SUGP2: variants seen among roughly 807,000 people sequenced by gnomAD.
SUGP2 encodes SURP and G-patch domain-containing protein 2.
In SUGP2, 24 loss-of-function variants were observed where a neutral mutation model predicts 90.5. The observed-to-expected ratio is 0.27, with a 90% CI of 0.19 to 0.37. SUGP2 has a LOEUF of 0.37. SUGP2 is among the 10% of genes least tolerant of loss of function. SUGP2 has a pLI of 1.00. For missense variants in SUGP2, 1,233 were observed against 1,363.3 expected, an observed-to-expected ratio of 0.90 and a Z score of 1.51; for synonymous variants, 473 against 513.4, an observed-to-expected ratio of 0.92 and a Z score of 1.06.
At position 19,033,402 on chromosome 19, in the gene SUGP2, G is replaced by A. The variant is rs934968903; in HGVS notation, c.-12+35C>T. ...CGAGCCCGAGCTTCCCACCCCGGGA[G>A]CCACCCACCGACGACGCCAGGGCCC... On this transcript the variant is annotated intron_variant, in intron 1 of 10. Coordinates refer to ENST00000452918, the MANE Select transcript of SUGP2 (RefSeq NM_001017392.5). 129 of 1,283,996 alleles carry A rather than the reference G, an allele frequency of 1.0e-4. 2 individuals carry two copies. The highest frequency in any genetic ancestry group is 6.5e-4 in the Admixed American group (16 of 24,692). 79.5% of individuals were successfully genotyped at this position (1,283,996 alleles called of 1,614,324 possible). A position where few individuals can be genotyped will look rare whatever the true frequency, so the allele number is the denominator to read the frequency against.
At position 19,024,711 on chromosome 19, in the gene SUGP2, T is replaced by C. The variant is rs759764812; in HGVS notation, c.1637A>G (p.Lys546Arg). 6.8e-6 allele frequency: 11 copies of C among 1,614,200 alleles called. No individual in the cohort carries two copies. In the Admixed American group the frequency reaches 8.3e-5, roughly 12 times the overall value. ...CTCTCGCATCGGCTCTGGTTCGGCT[T>C]TCTTAACCTGGAGGGGACATCCGCT... The part of the protein sequence containing the change: ...VSSGCPLQVK[K>R]AEPEPMREEE... Residue 546 changes from lysine (K) to arginine (R), a missense_variant, in exon 3 of 11, where the codon AAA becomes AGA. Transcript: ENST00000452918.
chr19:19,031,124 G>T, intron 1 of SUGP2, 42 bp from the exon 2 acceptor site: 1 of 1,591,020 alleles, frequency 6.3e-7, no homozygotes, highest in South Asian at 1.1e-5. Context: ...GCAACAACTT[G>T]GAGCTGGGCG....
intron 4 of SUGP2, among the ~76,000 whole-genome samples, chr19:19,013,171 A>T (rs1359227009): frequency 6.6e-6 from 1 of 152,156 alleles, no homozygotes; most frequent in Non-Finnish European, 1.5e-5. Flanking sequence ...CCAGCTCTGG[A>T]CTTAAATGAT....
chr19:19,027,544 A>T (rs2058982181), intron 2 of SUGP2, among the ~76,000 whole-genome samples: 12 of 152,242 alleles, frequency 7.9e-5, no homozygotes, highest in Admixed American at 7.9e-4. Flanking sequence ...GTTAAGTACC[A>T]AGAAGACAAA....
At chr19:19,007,315 C>T (rs2058116029) in intron 6 of SUGP2, 1 of 152,334 alleles carries the variant, frequency 6.6e-6, no homozygotes, top group Admixed American at 6.5e-5. Context: ...CTGACTATCA[C>T]TACTATCATG....
At chr19:19,008,193 A>T in intron 6 of SUGP2, 124 bp downstream of exon 6, 1 of 821,330 alleles carries the variant, frequency 1.2e-6, no homozygotes, top group Non-Finnish European at 2.1e-6. Flanking sequence ...GGTCCCAGCT[A>T]CTCTGGAGGC....
chr19:19,013,837 A>G (rs577179477), intron 4 of SUGP2, among the ~76,000 whole-genome samples: 1 of 152,352 alleles, frequency 6.6e-6, no homozygotes, highest in Non-Finnish European at 1.5e-5. Context: ...AAAACAAAGT[A>G]TGACATATTC....
chr19:18,995,035 ATCAACTGCCAGCTGTAAGCC>A, intron 9 of SUGP2, 89 bp downstream of exon 9: 1 of 1,419,032 alleles, frequency 7.0e-7, no homozygotes, highest in Non-Finnish European at 9.6e-7. Context: ...AAAAACAAAA[ATCAACTGCCAGCTGTAAGCC>A]ATCTTGGCTG....
chr19:19,029,429 C>T (rs938020047), intron 2 of SUGP2, among the ~76,000 whole-genome samples: 5 of 147,724 alleles, frequency 3.4e-5, no homozygotes, highest in African/African-American at 7.5e-5. Context: ...CCACTGCGCC[C>T]GGCCATTTTT....
At chr19:19,023,711 C>T (rs554390445) in intron 3 of SUGP2, among the ~76,000 whole-genome samples, 3 of 152,062 alleles carry the variant, frequency 2.0e-5, no homozygotes, top group Admixed American at 6.6e-5. Context: ...CCAGTCTGGG[C>T]AACATGATTC....
intron 4 of SUGP2, among the ~76,000 whole-genome samples, chr19:19,014,817 G>T (rs959269121): frequency 5.3e-5 from 8 of 150,704 alleles, no homozygotes; most frequent in African/African-American, 1.2e-4. Context: ...AAAAAAAAAA[G>T]AACTTATTAA....
At chr19:19,031,145 T>A in intron 1 of SUGP2, 63 bp from the exon 2 acceptor site, 1 of 1,557,742 alleles carries the variant, frequency 6.4e-7, no homozygotes, top group Non-Finnish European at 8.7e-7. Context: ...CGGTGGCTCA[T>A]ACCTGTAATC....
chr19:18,995,111 A>AACCCCCC, intron 9 of SUGP2, 33 bp downstream of exon 9: 1 of 949,172 alleles, frequency 1.1e-6, no homozygotes, highest in Non-Finnish European at 1.6e-6. Flanking sequence ...CTGAGGCCCC[A>AACCCCCC]CCCACTCCCA....
chr19:19,005,169 G>A (rs941500168), intron 6 of SUGP2, among the ~76,000 whole-genome samples: 5 of 152,196 alleles, frequency 3.3e-5, no homozygotes, highest in African/African-American at 9.6e-5. Context: ...CTACATGGGC[G>A]TGGAGATGAG....
chr19:18,994,764 G>A (rs986237973), intron 9 of SUGP2: 5 of 535,118 alleles, frequency 9.3e-6, no homozygotes, highest in Non-Finnish European at 1.3e-5. Context: ...GCCTGCTGGA[G>A]GTTATGATCG....
chr19:19,019,268 A>T, intron 3 of SUGP2, 39 bp from the exon 4 acceptor site: 1 of 1,589,506 alleles, frequency 6.3e-7, no homozygotes, highest in Non-Finnish European at 8.6e-7. Flanking sequence ...AAATATGCTG[A>T]ATGTGGGCTC....
In SUGP2 at chr19:19,008,379, A is replaced by G. The variant is rs1470684661; in HGVS notation, c.2388T>C (p.Ala796=). 1 of 1,614,168 alleles carries G rather than the reference A, an allele frequency of 6.2e-7. No homozygotes were observed. Among genetic ancestry groups the G allele is most frequent in the African/African-American group, 1.3e-5 (1 of 75,026 alleles). ...ETAEKLARFV[A]QVGPEIEQFS... is the part of the protein sequence containing the mutation. ...ATTGTTCGATCTCTGGTCCCACCTG[A>G]GCAACAAATCTAGCCAGTTTCTCTG... Residue 796 remains alanine (A), a synonymous_variant, in exon 6 of 11, where the codon GCT becomes GCC. Transcript: ENST00000452918.
chr19:19,024,765 A>G lies in SUGP2; in HGVS notation c.1583T>C (p.Ile528Thr), dbSNP rs754592681. The G allele has an allele frequency of 2.8e-5, 45 of 1,614,058 alleles. 2 individuals carry two copies. The East Asian group carries it at 8.9e-4, about 32-fold the overall frequency. The change falls in exon 3 of 11, where the codon ATA becomes ACA. Residue 528 changes from isoleucine (I) to threonine (T), a missense_variant. This residue lies in a region of SUGP2 where 540 missense variants were observed against 542.6 expected (regional missense o/e 1.00). Transcript: ENST00000452918. ...GACTAGCCAGGCCTTCAGGTGGTCT[A>G]TGTACTCTCGCCCAAACAAAGTGGA... The part of the protein sequence containing the change: ...EDSTLFGREY[I>T]DHLKAWLVSS...
At chr19:18,995,386 A>C in intron 8 of SUGP2, 106 bp from the exon 9 acceptor site, 2 of 1,290,552 alleles carry the variant, frequency 1.5e-6, no homozygotes, top group Admixed American at 3.0e-5. Flanking sequence ...TGCCCTCCTG[A>C]CTCCCCAGAT....
Sources: gnomAD v4.1 joint callset for allele counts (sites outside exome capture counted in the v4.1 genomes callset) on GRCh38, gnomAD v4.1.1 for gene constraint, gnomAD v4.1.1 regional missense constraint, MANE v1.5 for transcripts, NCBI Gene and HGNC (gene_info 2026-07-23, HGNC 2026-07-21) for gene names.